The following RGS22 variants were observed in gnomAD, a reference collection of about 807,000 sequenced individuals.
RGS22 encodes regulator of G-protein signaling 22.
In RGS22, 148 loss-of-function variants were observed where a neutral mutation model predicts 172.9. The ratio of observed to expected loss-of-function variants is 0.86; its 90% confidence interval spans 0.75 to 0.98. RGS22 has a LOEUF of 0.98. Among genes scored for constraint, RGS22 ranks in the 50% least tolerant of loss-of-function variants. The pLI is 0.00. For synonymous variants in RGS22, 458 were observed against 480.2 expected (o/e 0.95, Z 0.60); for missense variants, 1,347 against 1,440.8 (o/e 0.93, Z 1.05).
intron 7 of RGS22, among the ~76,000 whole-genome samples, chr8:100,065,905 C>T (rs992770579): frequency 6.6e-6 from 1 of 152,146 alleles, no homozygotes; most frequent in Non-Finnish European, 1.5e-5. Flanking sequence ...TCTAATCTTA[C>T]AGATGAGAAA....
At chr8:100,024,002 T>G (rs2131478711) in intron 14 of RGS22, 1 of 152,876 alleles carries the variant, frequency 6.5e-6, no homozygotes, top group Admixed American at 6.5e-5. Context: ...AGTCTTGCTT[T>G]GTCGCCCAGG....
In RGS22 at chr8:100,062,185, A is replaced by T. The variant is rs531787719; in HGVS notation, c.1514+406T>A. 2.0e-5 allele frequency among the ~76,000 whole-genome samples: 3 copies of T among 152,298 alleles called. No individual in the cohort carries two copies. In the South Asian group the frequency reaches 6.2e-4, roughly 32 times the overall value. On this transcript the variant is annotated intron_variant, in intron 9 of 27. Coordinates refer to ENST00000360863, the MANE Select transcript of RGS22 (RefSeq NM_015668.5). ...AGAAAGGAAGGAGAGGATCAGGAAA[A>T]ATAACTAATGGATATAAGGCTTAAC...
At chr8:100,082,452 G>T (rs1300383949) in intron 3 of RGS22, among the ~76,000 whole-genome samples, 1 of 152,122 alleles carries the variant, frequency 6.6e-6, no homozygotes, top group Non-Finnish European at 1.5e-5. Context: ...TCAATGTTTA[G>T]CTCCTACAGA....
chr8:100,081,927 T>G (rs1368370483), intron 3 of RGS22, among the ~76,000 whole-genome samples: 1 of 148,542 alleles, frequency 6.7e-6, no homozygotes, highest in Admixed American at 6.7e-5. Context: ...TTTTTTTTTT[T>G]GCCTCCTACC....
Position 99,962,867 on chromosome 8 carries a change from G to A in RGS22, c.3709+18C>T. The A allele has an allele frequency of 1.3e-6, 2 of 1,585,162 alleles. No homozygotes were observed. The highest frequency in any genetic ancestry group is 1.7e-6 in the Non-Finnish European group (2 of 1,172,130). ...AAAAGATAAAAAAGTAAACTTGTAGGCAGAAGGCAAAAATTACCTGCAAAC... is the reference window on the plus strand; with the variant it reads ...AAAAGATAAAAAAGTAAACTTGTAGACAGAAGGCAAAAATTACCTGCAAAC... On this transcript the variant is annotated intron_variant, in intron 25 of 27. Coordinates refer to ENST00000360863, the MANE Select transcript of RGS22 (RefSeq NM_015668.5).
At chr8:100,089,211 A>AACACACACACACAC (rs58302018) in intron 3 of RGS22, among the ~76,000 whole-genome samples, 275 of 144,608 alleles carry the variant, frequency 1.9e-3, no homozygotes, top group African/African-American at 6.6e-3. Flanking sequence ...CACACACACA[A>AACACACACACACAC]ACACACACAC....
chr8:100,096,261 C>G (rs1356557377), intron 2 of RGS22, among the ~76,000 whole-genome samples: 1 of 152,202 alleles, frequency 6.6e-6, no homozygotes. Flanking sequence ...AATCAATAAA[C>G]TGGTGATGGT....
chr8:100,033,087 C>G (rs542609125), intron 14 of RGS22, among the ~76,000 whole-genome samples: 32 of 152,114 alleles, frequency 2.1e-4, no homozygotes, highest in Middle Eastern at 6.8e-3. Context: ...AATTGACACC[C>G]TAACATCACA....
intron 15 of RGS22, 34 bp downstream of exon 15, chr8:100,008,341 T>A: frequency 6.3e-7 from 1 of 1,579,128 alleles, no homozygotes; most frequent in Non-Finnish European, 8.6e-7. Context: ...TAAACCTGAA[T>A]GGTTTCACAC....
intron 9 of RGS22, among the ~76,000 whole-genome samples, chr8:100,059,802 T>C (rs1000761561): frequency 6.6e-6 from 1 of 152,226 alleles, no homozygotes; most frequent in Admixed American, 6.5e-5. Flanking sequence ...ACTATAGTTA[T>C]GCAAGATGTT....
At chr8:99,990,915 G>T (rs1813650637) in intron 20 of RGS22, among the ~76,000 whole-genome samples, 1 of 152,114 alleles carries the variant, frequency 6.6e-6, no homozygotes, top group African/African-American at 2.4e-5. Context: ...CCAGAGGAAG[G>T]ATCAGGCAGC....
At chr8:99,999,599 A>C (rs3133713) in intron 18 of RGS22, among the ~76,000 whole-genome samples, 179 bp from the exon 19 acceptor site, 2,126 of 152,260 alleles carry the variant, frequency 0.014, 67 homozygotes, top group East Asian at 0.1. Context: ...TCAGACAGAC[A>C]ATTGTGGTTT....
intron 15 of RGS22, among the ~76,000 whole-genome samples, chr8:100,008,017 AT>A (rs1221290239): frequency 2.0e-5 from 3 of 150,870 alleles, no homozygotes; most frequent in African/African-American, 7.3e-5. Context: ...TTTTATTTTT[AT>A]TTTTATTTTA....
chr8:100,026,712 T>C (rs769629550), intron 14 of RGS22, among the ~76,000 whole-genome samples: 11 of 152,156 alleles, frequency 7.2e-5, no homozygotes, highest in African/African-American at 1.2e-4. Context: ...ACTAGAAAGA[T>C]GTAAAATTGA....
At chr8:100,032,085 G>A (rs867301861) in intron 14 of RGS22, among the ~76,000 whole-genome samples, 14 of 152,250 alleles carry the variant, frequency 9.2e-5, no homozygotes, top group Middle Eastern at 3.4e-3. Context: ...AAAGACCATC[G>A]ATGCTAGGAA....
chr8:100,094,395 T>TTTAAAAATTTATTGAAGTATA (rs1563727451), intron 2 of RGS22, among the ~76,000 whole-genome samples: 4 of 152,202 alleles, frequency 2.6e-5, no homozygotes, highest in Admixed American at 1.3e-4. Context: ...CTGGCCAATT[T>TTTAAAAATTTATTGAAGTATA]TTAAAAATTT....
At chr8:100,041,589 A>G (rs988738849) in intron 12 of RGS22, among the ~76,000 whole-genome samples, 1 of 152,218 alleles carries the variant, frequency 6.6e-6, no homozygotes, top group African/African-American at 2.4e-5. Context: ...TGTGTTTGAA[A>G]ACAGTAATCA....
At chr8:100,080,456 G>C (rs1486705768) in intron 3 of RGS22, 101 bp from the exon 4 acceptor site, 9 of 778,674 alleles carry the variant, frequency 1.2e-5, no homozygotes, top group Non-Finnish European at 1.6e-5. Context: ...ATACCTCACA[G>C]AGTTCTGTGT....
At chr8:100,034,514 C>A (rs1819221444) in intron 14 of RGS22, among the ~76,000 whole-genome samples, 1 of 152,080 alleles carries the variant, frequency 6.6e-6, no homozygotes, top group Non-Finnish European at 1.5e-5. Flanking sequence ...TAGGAAGAAT[C>A]AATATTGTGA....
Sources: allele counts gnomAD v4.1 joint callset (sites outside exome capture counted in the v4.1 genomes callset), GRCh38; gene constraint gnomAD v4.1.1; transcripts MANE v1.5; gene names NCBI Gene and HGNC (gene_info 2026-07-23, HGNC 2026-07-21).